SRPK2: variants seen among roughly 807,000 people sequenced by gnomAD.
The protein encoded by SRPK2 is SFRS protein kinase 2.
Under a neutral mutation model 90.8 loss-of-function variants are expected in SRPK2, and 21 were observed. That is an observed-to-expected ratio of 0.23 (90% CI 0.16 to 0.33). The LOEUF is 0.33. Among genes scored for constraint, SRPK2 ranks in the 10% least tolerant of loss-of-function variants. The pLI is 1.00. For synonymous variants in SRPK2, 288 were observed against 311.1 expected (o/e 0.93, Z 0.78); for missense variants, 620 against 869.0 (o/e 0.71, Z 3.60).
intron 3 of SRPK2, among the ~76,000 whole-genome samples, chr7:105,179,011 T>A (rs888940940): frequency 6.6e-6 from 1 of 152,096 alleles, no homozygotes; most frequent in Non-Finnish European, 1.5e-5. Flanking sequence ...ATAAGGAAAA[T>A]AGTGTTTTCT....
At chr7:105,314,478 CCAGGTTCAAGCAATTCTGCCTCA>C (rs1229735195) in intron 2 of SRPK2, among the ~76,000 whole-genome samples, 1 of 152,022 alleles carries the variant, frequency 6.6e-6, no homozygotes, top group East Asian at 1.9e-4. Flanking sequence ...CCTCTGCCTC[CCAGGTTCAAGCAATTCTGCCTCA>C]GCCTCCTGAG....
intron 2 of SRPK2, among the ~76,000 whole-genome samples, chr7:105,274,292 T>C (rs1482798732): frequency 1.3e-5 from 2 of 152,174 alleles, no homozygotes; most frequent in African/African-American, 4.8e-5. Flanking sequence ...CCAGGCACAG[T>C]GGCTCATGCC....
intron 3 of SRPK2, among the ~76,000 whole-genome samples, chr7:105,181,171 C>A (rs1222346979): frequency 6.6e-6 from 1 of 152,150 alleles, no homozygotes; most frequent in African/African-American, 2.4e-5. Flanking sequence ...CGATGAAACA[C>A]CATCTCACAC....
At chr7:105,292,208 G>T (rs1809127607) in intron 2 of SRPK2, among the ~76,000 whole-genome samples, 1 of 152,016 alleles carries the variant, frequency 6.6e-6, no homozygotes, top group Non-Finnish European at 1.5e-5. Flanking sequence ...ATTCATGTCT[G>T]GTTAAAAAGT....
intron 3 of SRPK2, among the ~76,000 whole-genome samples, chr7:105,181,009 C>T (rs1792710930): frequency 1.3e-5 from 2 of 152,118 alleles, no homozygotes; most frequent in African/African-American, 4.8e-5. Context: ...CTACACAGAA[C>T]TTAAACACAT....
intron 2 of SRPK2, among the ~76,000 whole-genome samples, chr7:105,351,893 ACACC>A (rs1817238159): frequency 7.5e-6 from 1 of 133,458 alleles, no homozygotes; most frequent in South Asian, 2.6e-4. Context: ...ACAGACTAAG[ACACC>A]CTTATAATCC....
At chr7:105,271,727 C>T (rs1213372774) in intron 2 of SRPK2, among the ~76,000 whole-genome samples, 5 of 152,212 alleles carry the variant, frequency 3.3e-5, no homozygotes, top group East Asian at 1.9e-4. Context: ...TTGAGCCATC[C>T]GTTCCCTTGA....
intron 7 of SRPK2, among the ~76,000 whole-genome samples, chr7:105,151,094 A>AT (rs1223139897): frequency 2.6e-5 from 4 of 152,074 alleles, no homozygotes; most frequent in African/African-American, 7.2e-5. Flanking sequence ...AAAGTTCCAG[A>AT]TTTTTTTTAA....
chr7:105,224,222 TTAA>T (rs1289568518), intron 2 of SRPK2, among the ~76,000 whole-genome samples: 1 of 152,340 alleles, frequency 6.6e-6, no homozygotes, highest in African/African-American at 2.4e-5. Context: ...TTTATGCCCT[TTAA>T]TAATATTTTG....
intron 2 of SRPK2, among the ~76,000 whole-genome samples, chr7:105,266,926 C>T (rs1805170059): frequency 6.6e-6 from 1 of 152,136 alleles, no homozygotes; most frequent in African/African-American, 2.4e-5. Context: ...AATATATCTA[C>T]ATTAACGAAA....
intron 2 of SRPK2, among the ~76,000 whole-genome samples, chr7:105,223,293 C>T (rs1798327291): frequency 6.6e-6 from 1 of 152,246 alleles, no homozygotes; most frequent in Non-Finnish European, 1.5e-5. Context: ...CCTGAAAAGG[C>T]CTCCAAAGAG....
intron 2 of SRPK2, among the ~76,000 whole-genome samples, chr7:105,213,848 T>G (rs1797140355): frequency 6.6e-6 from 1 of 152,186 alleles, no homozygotes; most frequent in African/African-American, 2.4e-5. Flanking sequence ...GGAAATAATG[T>G]AAGATGTACC....
intron 2 of SRPK2, among the ~76,000 whole-genome samples, chr7:105,296,938 G>A (rs1444417829): frequency 6.6e-6 from 1 of 152,122 alleles, no homozygotes; most frequent in Non-Finnish European, 1.5e-5. Context: ...ACAAATCCAG[G>A]CACTCCAGCT....
At chr7:105,276,727 G>A (rs1585489966) in intron 2 of SRPK2, among the ~76,000 whole-genome samples, 1 of 152,242 alleles carries the variant, frequency 6.6e-6, no homozygotes, top group African/African-American at 2.4e-5. Context: ...AACAGAGCAA[G>A]AATCTGTCTG....
intron 7 of SRPK2, among the ~76,000 whole-genome samples, chr7:105,159,523 A>G (rs1320587238): frequency 6.6e-6 from 1 of 151,496 alleles, no homozygotes; most frequent in East Asian, 1.9e-4. Context: ...AAACAAAGTT[A>G]TCTGCACACA....
intron 3 of SRPK2, among the ~76,000 whole-genome samples, chr7:105,188,875 G>C (rs1793919415): frequency 6.6e-6 from 1 of 152,158 alleles, no homozygotes; most frequent in Non-Finnish European, 1.5e-5. Flanking sequence ...AAAGAGAATT[G>C]GTGGATAGCC....
intron 2 of SRPK2, among the ~76,000 whole-genome samples, chr7:105,278,314 CAAAA>C (rs34389951): frequency 3.8e-5 from 4 of 104,076 alleles, no homozygotes; most frequent in Non-Finnish European, 3.8e-5. Flanking sequence ...GATTCTGTCT[CAAAA>C]AAAAAAAAAA....
chr7:105,181,730 G>C (rs1792838084), intron 3 of SRPK2, among the ~76,000 whole-genome samples: 1 of 151,972 alleles, frequency 6.6e-6, no homozygotes, highest in Non-Finnish European at 1.5e-5. Context: ...GATGGAGGGT[G>C]GAAGAACAGA....
chr7:105,184,537 T>C (rs1456888960), intron 3 of SRPK2, among the ~76,000 whole-genome samples: 1 of 152,216 alleles, frequency 6.6e-6, no homozygotes, highest in Non-Finnish European at 1.5e-5. Context: ...AGGTATACTT[T>C]GTATTTTAAT....
Sources: gnomAD v4.1 joint callset for allele counts (sites outside exome capture counted in the v4.1 genomes callset) on GRCh38, gnomAD v4.1.1 for gene constraint, MANE v1.5 for transcripts, NCBI Gene and HGNC (gene_info 2026-07-23, HGNC 2026-07-21) for gene names.